Variants in NRF1 observed in about 807,000 individuals in gnomAD.
The protein encoded by NRF1 is nuclear respiratory factor 1, also known as alpha palindromic-binding protein.
In NRF1, 5 loss-of-function variants were observed where a neutral mutation model predicts 58.5. The observed-to-expected ratio is 0.09, with a 90% CI of 0.04 to 0.18. The LOEUF (loss-of-function observed/expected upper bound fraction) is 0.18. Among genes scored for constraint, NRF1 ranks in the 10% least tolerant of loss-of-function variants. The pLI is 1.00. For synonymous variants in NRF1, 224 were observed against 246.7 expected (o/e 0.91, Z 0.86); for missense variants, 288 against 657.7 (o/e 0.44, Z 6.15).
At chr7:129,642,802 CCAGGCTGGAGTA>C (rs1245003641) in intron 1 of NRF1, among the ~76,000 whole-genome samples, 2 of 142,152 alleles carry the variant, frequency 1.4e-5, no homozygotes, top group Non-Finnish European at 3.1e-5. Context: ...CCATTGTTTT[CCAGGCTGGAGTA>C]CAGTGGTGCA....
chr7:129,663,980 T>C (rs1297078005), intron 2 of NRF1, among the ~76,000 whole-genome samples: 1 of 151,710 alleles, frequency 6.6e-6, no homozygotes, highest in Non-Finnish European at 1.5e-5. Flanking sequence ...CGAAAACCAG[T>C]CAGGAGTGGC....
At position 129,755,230 on chromosome 7, in the gene NRF1, T is replaced by C. The variant is rs1804224320; in HGVS notation, c.*49T>C. Reference sequence around the variant, plus strand: ...TTTTCTAGTCTACTTCAAAATTTTTTACACGTTTGCAGAGGTGCAATCAAA... The same window carrying C: ...TTTTCTAGTCTACTTCAAAATTTTTCACACGTTTGCAGAGGTGCAATCAAA... On this transcript the variant is annotated 3_prime_UTR_variant, in exon 11 of 11. Coordinates refer to ENST00000393232, the MANE Select transcript of NRF1 (RefSeq NM_005011.5). The surrounding 1 kb of genome is among the most constrained non-coding windows in gnomAD (Gnocchi z 5.8). 4 of 1,487,982 alleles carry C rather than the reference T, an allele frequency of 2.7e-6. No individual in the cohort carries two copies. The highest frequency in any genetic ancestry group is 3.6e-6 in the Non-Finnish European group (4 of 1,109,952). 92.2% of individuals were successfully genotyped at this position (1,487,982 alleles called of 1,614,324 possible).
At chr7:129,662,980 A>G (rs920339679) in intron 2 of NRF1, among the ~76,000 whole-genome samples, 10 of 152,222 alleles carry the variant, frequency 6.6e-5, no homozygotes, top group Non-Finnish European at 1.5e-4. Context: ...GCTGTCTTCA[A>G]GCATCTGTTT....
intron 4 of NRF1, among the ~76,000 whole-genome samples, chr7:129,680,700 A>T (rs762083536): frequency 6.6e-6 from 1 of 152,246 alleles, no homozygotes; most frequent in Non-Finnish European, 1.5e-5. Context: ...GTCACAAAAG[A>T]TCACATGTTG....
intron 9 of NRF1, among the ~76,000 whole-genome samples, chr7:129,720,492 A>C (rs921252500): frequency 6.6e-6 from 1 of 152,238 alleles, no homozygotes; most frequent in African/African-American, 2.4e-5. Flanking sequence ...TATGATGACA[A>C]AGCAGTTTCA....
intron 9 of NRF1, among the ~76,000 whole-genome samples, chr7:129,723,405 T>C (rs1803377732): frequency 6.6e-6 from 1 of 151,434 alleles, no homozygotes; most frequent in Non-Finnish European, 1.5e-5. Context: ...ATCATGCCAT[T>C]GCACTCTAGC....
At chr7:129,677,825 C>G (rs1216573081) in intron 4 of NRF1, 67 bp downstream of exon 4, 2 of 1,589,706 alleles carry the variant, frequency 1.3e-6, no homozygotes, top group East Asian at 2.2e-5. Flanking sequence ...TTCTTCTGAT[C>G]CTCTGTCAAG....
chr7:129,639,737 AG>A, intron 1 of NRF1, among the ~76,000 whole-genome samples: 1 of 152,086 alleles, frequency 6.6e-6, no homozygotes, highest in Middle Eastern at 3.4e-3. Context: ...TAGTAGAAAC[AG>A]GGTTTCACCA....
intron 1 of NRF1, among the ~76,000 whole-genome samples, chr7:129,651,170 C>T (rs1324838424): frequency 1.3e-5 from 2 of 151,586 alleles, no homozygotes; most frequent in Non-Finnish European, 2.9e-5. Context: ...GCCTGTAATC[C>T]CAGCACTTTG....
chr7:129,655,926 C>A (rs996273984), intron 1 of NRF1, among the ~76,000 whole-genome samples: 1 of 152,134 alleles, frequency 6.6e-6, no homozygotes, highest in Non-Finnish European at 1.5e-5. Flanking sequence ...TCCCCTCTTT[C>A]TAATTAGCAT....
intron 1 of NRF1, among the ~76,000 whole-genome samples, chr7:129,632,430 G>A (rs1801070136): frequency 6.6e-6 from 1 of 151,774 alleles, no homozygotes; most frequent in South Asian, 2.1e-4. Flanking sequence ...AATACTTTAG[G>A]CATAAAAAAG....
chr7:129,719,541 C>CACACACACACACACACACACAACACA (rs1416592537), intron 9 of NRF1, among the ~76,000 whole-genome samples: 1 of 137,018 alleles, frequency 7.3e-6, no homozygotes, highest in Non-Finnish European at 1.6e-5. Flanking sequence ...CACACACACA[C>CACACACACACACACACACACAACACA]ACAACACATC....
chr7:129,674,865 G>T (rs1802139904), intron 3 of NRF1, among the ~76,000 whole-genome samples: 1 of 152,186 alleles, frequency 6.6e-6, no homozygotes, highest in Admixed American at 6.5e-5. Context: ...TGTTGCTGAA[G>T]GTTGGGGTGG....
chr7:129,694,427 C>T (rs1323522401), intron 5 of NRF1, among the ~76,000 whole-genome samples: 2 of 152,100 alleles, frequency 1.3e-5, no homozygotes, highest in East Asian at 3.9e-4. Flanking sequence ...TGCAATGGCA[C>T]GATCTCGGCT....
chr7:129,733,566 T>C (rs1803636517), intron 10 of NRF1, among the ~76,000 whole-genome samples: 2 of 152,134 alleles, frequency 1.3e-5, no homozygotes, highest in Admixed American at 1.3e-4. Context: ...TTGACTCAAG[T>C]TTTCTCCTCT....
In NRF1 at chr7:129,671,561, C is replaced by T; in HGVS notation, c.338+18C>T. 1 of 1,277,786 alleles carries T rather than the reference C, an allele frequency of 7.8e-7. No homozygotes were observed. Among genetic ancestry groups the T allele is most frequent in the South Asian group, 1.2e-5 (1 of 83,972 alleles). The allele number at this position is 1,277,786 out of a possible 1,614,324, so 79.2% of individuals were successfully genotyped here. The stretch of plus-strand genomic sequence containing the variant: ...TTGCTTCGGTGAGGGCTCCCTTATC[C>T]ATATTGTTACTATTCCTCAAATACT... On this transcript the variant is annotated intron_variant, in intron 3 of 10. Transcript: ENST00000393232.
intron 8 of NRF1, among the ~76,000 whole-genome samples, chr7:129,714,479 T>G (rs1294660096): frequency 6.6e-6 from 1 of 152,180 alleles, no homozygotes; most frequent in Non-Finnish European, 1.5e-5. Flanking sequence ...CAGTGGATGT[T>G]TTGAGCGGAC....
At chr7:129,658,949 G>A (rs796928701) in intron 2 of NRF1, among the ~76,000 whole-genome samples, 35 of 152,186 alleles carry the variant, frequency 2.3e-4, no homozygotes, top group African/African-American at 6.3e-4. Context: ...ACAGAAGGAC[G>A]TGAATAGGTC....
chr7:129,687,006 G>T (rs1802457542), intron 4 of NRF1, among the ~76,000 whole-genome samples: 1 of 152,106 alleles, frequency 6.6e-6, no homozygotes. Context: ...GCTCTTTCAA[G>T]GCTTAGACAT....
Sources: gnomAD v4.1 joint callset for allele counts (sites outside exome capture counted in the v4.1 genomes callset) on GRCh38, gnomAD v4.1.1 for gene constraint, Gnocchi (gnomAD v3.1) non-coding constraint, MANE v1.5 for transcripts, NCBI Gene and HGNC (gene_info 2026-07-23, HGNC 2026-07-21) for gene names.